The following BRF1 variants were observed in gnomAD, a reference collection of about 807,000 sequenced individuals.
BRF1 encodes transcription factor IIIB 90 kDa subunit.
A neutral mutation model predicts 81.7 loss-of-function variants in BRF1; 59 were observed. The observed-to-expected ratio is 0.72, with a 90% CI of 0.59 to 0.90. The LOEUF is 0.90. Ranked by LOEUF, BRF1 falls within the 40% of genes least tolerant of loss-of-function variation. The pLI is 0.00. For synonymous variants in BRF1, 491 were observed against 395.6 expected (o/e 1.24, Z -2.86); for missense variants, 1,050 against 936.3 (o/e 1.12, Z -1.58).
At chr14:105,243,285 CA>C (rs3083977) in intron 5 of BRF1, among the ~76,000 whole-genome samples, 324 of 127,548 alleles carry the variant, frequency 2.5e-3, no homozygotes, top group Middle Eastern at 7.9e-3. Flanking sequence ...TACTAAAATA[CA>C]AAAAAAAAAA....
At chr14:105,244,742 GA>G (rs35123396) in intron 5 of BRF1, among the ~76,000 whole-genome samples, 2 of 151,262 alleles carry the variant, frequency 1.3e-5, no homozygotes, top group African/African-American at 4.9e-5. Flanking sequence ...GACTGATTAG[GA>G]AAAAAAAGAC....
intron 15 of BRF1, among the ~76,000 whole-genome samples, chr14:105,214,122 C>T (rs190011669): frequency 5.9e-5 from 9 of 152,346 alleles, no homozygotes; most frequent in East Asian, 3.9e-4. Context: ...CTGCTGACCC[C>T]GCTTGGCTGA....
intron 4 of BRF1, among the ~76,000 whole-genome samples, chr14:105,255,582 T>C (rs1012388580): frequency 2.0e-5 from 3 of 152,304 alleles, no homozygotes; most frequent in South Asian, 4.1e-4. Context: ...ACAACTGTTT[T>C]CAATATTTCT....
At chr14:105,224,901 C>T (rs1050040717) in intron 10 of BRF1, among the ~76,000 whole-genome samples, 7 of 152,218 alleles carry the variant, frequency 4.6e-5, no homozygotes, top group Non-Finnish European at 8.8e-5. Context: ...AGATTCCTGG[C>T]TAGCACTGAG....
At position 105,315,159 on chromosome 14, in the gene BRF1, C is replaced by T. The variant is rs1407227964; in HGVS notation, c.-162+163G>A. 1.4e-5 allele frequency: 7 copies of T among 502,116 alleles called. No homozygotes were observed. Among genetic ancestry groups the T allele is most frequent in the Non-Finnish European group, 1.8e-5 (7 of 380,232 alleles). The allele number at this position is 502,116 out of a possible 1,614,324, so 31.1% of individuals were successfully genotyped here. A position where few individuals can be genotyped will look rare whatever the true frequency, so the allele number is the denominator to read the frequency against. On this transcript the variant is annotated intron_variant, in intron 1 of 17. Transcript: ENST00000327359. This position sits in a 1 kb window ranked among gnomAD's most constrained non-coding sequence, Gnocchi z 4.4. ...AGCGGAGCCCAGGTCGCCCCCCGCG[C>T]CCCCGCCCGCCGGTTCGACGCGTGC...
chr14:105,301,537 G>A (rs188994539), upstream of BRF1, among the ~76,000 whole-genome samples: 238 of 152,284 alleles, frequency 1.6e-3, no homozygotes, highest in African/African-American at 5.1e-3. Flanking sequence ...TGCGCTGGGG[G>A]GCCTGGCCGC....
intron 5 of BRF1, chr14:105,250,046 C>A (rs1420675833): frequency 6.2e-7 from 1 of 1,612,978 alleles, no homozygotes; most frequent in East Asian, 2.2e-5. Context: ...TGTTCTGGGG[C>A]GAGCCCTCTA....
chr14:105,266,716 G>T (rs1205923196), intron 3 of BRF1, among the ~76,000 whole-genome samples: 1 of 152,040 alleles, frequency 6.6e-6, no homozygotes, highest in East Asian at 1.9e-4. Flanking sequence ...CATACAAAAG[G>T]CAGGACAAAC....
At chr14:105,228,600 C>G (rs182991542) in intron 7 of BRF1, among the ~76,000 whole-genome samples, 1 of 151,806 alleles carries the variant, frequency 6.6e-6, no homozygotes, top group East Asian at 1.9e-4. Context: ...CAGGATAGGG[C>G]CGGCCCCAGA....
In BRF1 at chr14:105,211,201, G is replaced by C. The variant is rs199836794; in HGVS notation, c.1917C>G (p.Asp639Glu). ...CAGGCTCCTCCTCGTCAGCCTCCTC[G>C]TCGGCGTGGTATGACACGGGCCCGC... ...VESGPVSYHA[D>E]EEADEEEPDE... Residue 639 changes from aspartate (D) to glutamate (E), a missense_variant, in exon 17 of 18, where the codon GAC becomes GAG. By Grantham distance (45) the Asp-to-Glu change is conservative. Coordinates refer to ENST00000547530, the MANE Select transcript of BRF1 (RefSeq NM_001519.4). 9 of 1,611,928 alleles carry C rather than the reference G, an allele frequency of 5.6e-6. No individual in the cohort carries two copies. The highest frequency in any genetic ancestry group is 5.3e-5 in the African/African-American group (4 of 75,028).
intron 4 of BRF1, 165 bp downstream of exon 4, chr14:105,256,353 G>A: frequency 1.3e-6 from 2 of 1,562,146 alleles, no homozygotes; most frequent in South Asian, 2.3e-5. Context: ...CCCATGTCAT[G>A]AAGGCCCCTC....
intron 5 of BRF1, 133 bp from the exon 6 acceptor site, chr14:105,241,547 C>A: frequency 8.4e-7 from 1 of 1,197,410 alleles, no homozygotes. Flanking sequence ...AGTTCCCCTC[C>A]CCTGGACAAA....
At chr14:105,275,918 TGA>T (rs1206291267) in intron 2 of BRF1, among the ~76,000 whole-genome samples, 23 of 142,906 alleles carry the variant, frequency 1.6e-4, no homozygotes, top group Admixed American at 1.4e-3. Context: ...GAGAAGGAGC[TGA>T]GAGGCGGCCC....
In BRF1 at chr14:105,315,158, G is replaced by A; in HGVS notation, c.-162+164C>T. ...CAGCGGAGCCCAGGTCGCCCCCCGC[G>A]CCCCCGCCCGCCGGTTCGACGCGTG... On this transcript the variant is annotated intron_variant, in intron 1 of 17. Transcript: ENST00000327359. The surrounding 1 kb of genome is among the most constrained non-coding windows in gnomAD (Gnocchi z 4.4). 2.0e-5 allele frequency: 10 copies of A among 505,576 alleles called. No individual in the cohort carries two copies. Among genetic ancestry groups the A allele is most frequent in the Non-Finnish European group, 2.6e-5 (10 of 383,752 alleles). 31.3% of individuals were successfully genotyped at this position (505,576 alleles called of 1,614,324 possible).
At position 105,246,849 on chromosome 14, in the gene BRF1, A is replaced by C. The variant is rs2055148355; in HGVS notation, c.545-5435T>G. 4 of 985,502 alleles carry C rather than the reference A, an allele frequency of 4.1e-6. No individual in the cohort carries two copies. The South Asian group carries it at 1.9e-4, about 46-fold the overall frequency. 61.0% of individuals were successfully genotyped at this position (985,502 alleles called of 1,614,324 possible). ...TCACATGCTCCACACCACCATGCAG[A>C]TCAAGACGCTGACTACCTCTGGCGG... On this transcript the variant is annotated intron_variant, in intron 5 of 17. Transcript: ENST00000547530.
chr14:105,225,635 G>A (rs747627107), intron 10 of BRF1, among the ~76,000 whole-genome samples: 1 of 147,820 alleles, frequency 6.8e-6, no homozygotes, highest in African/African-American at 2.6e-5. Context: ...GTCTTTTGTA[G>A]GGGAAACTTA....
At chr14:105,241,041 A>T (rs992756574) in intron 6 of BRF1, among the ~76,000 whole-genome samples, 8 of 152,206 alleles carry the variant, frequency 5.3e-5, no homozygotes, top group African/African-American at 1.9e-4. Context: ...CTGCCCTGAG[A>T]GTTCTGCCCC....
At position 105,249,900 on chromosome 14, in the gene BRF1, G is replaced by C. The variant is rs145825360; in HGVS notation, c.544+2607C>G. On this transcript the variant is annotated intron_variant, in intron 5 of 17. Coordinates refer to ENST00000547530, the MANE Select transcript of BRF1 (RefSeq NM_001519.4). ...TCCGAAGGCTTCTGTGAGATAGACC[G>C]GCAGACGCTGGAGATCATTGTCACT... 1.9e-6 allele frequency: 3 copies of C among 1,611,110 alleles called. No homozygotes were observed. The highest frequency in any genetic ancestry group is 2.5e-6 in the Non-Finnish European group (3 of 1,179,992).
intron 3 of BRF1, among the ~76,000 whole-genome samples, chr14:105,258,488 CAA>C (rs371399124): frequency 4.0e-5 from 5 of 126,200 alleles, no homozygotes; most frequent in Non-Finnish European, 1.6e-5. Context: ...GACTCCGTCT[CAA>C]AAAAAAAAAA....
Sources: allele counts gnomAD v4.1 joint callset (sites outside exome capture counted in the v4.1 genomes callset), GRCh38; gene constraint gnomAD v4.1.1; non-coding constraint Gnocchi (gnomAD v3.1); transcripts MANE v1.5; gene names NCBI Gene and HGNC (gene_info 2026-07-23, HGNC 2026-07-21).